SPOCK1: variants seen among roughly 807,000 people sequenced by gnomAD.
SPOCK1 encodes testican-1.
Under a neutral mutation model 55.3 loss-of-function variants are expected in SPOCK1, and 23 were observed. That is an observed-to-expected ratio of 0.42 (90% CI 0.30 to 0.59). The LOEUF (loss-of-function observed/expected upper bound fraction) is 0.59, where lower values mean the gene tolerates loss of function less well. SPOCK1 is among the 20% of genes least tolerant of loss of function. SPOCK1 has a pLI of 0.22. For missense variants in SPOCK1, 499 were observed against 552.5 expected (o/e 0.90, Z 0.97); for synonymous variants, 226 against 221.0 (o/e 1.02, Z -0.20).
chr5:137,149,957 G>A (rs1041799271), intron 3 of SPOCK1, among the ~76,000 whole-genome samples: 21 of 152,134 alleles, frequency 1.4e-4, no homozygotes, highest in African/African-American at 4.8e-4. Flanking sequence ...GGATCTGATG[G>A]GATAACACAT....
chr5:137,494,626 T>C (rs1278368419), intron 2 of SPOCK1, among the ~76,000 whole-genome samples: 1 of 152,256 alleles, frequency 6.6e-6, no homozygotes, highest in Non-Finnish European at 1.5e-5. Flanking sequence ...CCAGACTGTA[T>C]TATGTTTCTA....
Position 137,138,378 on chromosome 5 carries a change from T to C in SPOCK1, c.347+2202A>G, listed in dbSNP as rs184930279. On this transcript the variant is annotated intron_variant, in intron 4 of 10. Coordinates refer to ENST00000394945, the MANE Select transcript of SPOCK1 (RefSeq NM_004598.4). ...TATGCCTGAATATCAATGAGGCTGC[T>C]GAATAGGTCTCAAACCGATTTGAGT... is the stretch of plus-strand genomic sequence containing the variant. 4.2e-3 allele frequency among the ~76,000 whole-genome samples: 638 copies of C among 152,320 alleles called. 2 individuals are homozygous for C. The highest frequency in any genetic ancestry group is 0.01 in the African/African-American group (421 of 41,572).
At chr5:137,155,211 G>C (rs753548586) in intron 3 of SPOCK1, among the ~76,000 whole-genome samples, 1 of 152,178 alleles carries the variant, frequency 6.6e-6, no homozygotes, top group Non-Finnish European at 1.5e-5. Flanking sequence ...TTCCTCTCCA[G>C]ATTTCTCCAC....
At chr5:137,420,455 A>G (rs1752461922) in intron 2 of SPOCK1, among the ~76,000 whole-genome samples, 1 of 152,160 alleles carries the variant, frequency 6.6e-6, no homozygotes, top group Non-Finnish European at 1.5e-5. Flanking sequence ...TAAGCTATTA[A>G]TTATTGCCTC....
intron 2 of SPOCK1, among the ~76,000 whole-genome samples, chr5:137,292,427 A>T (rs1039960961): frequency 0.019 from 17 of 894 alleles, no homozygotes; most frequent in African/African-American, 0.064. Context: ...TGGTGTAGTT[A>T]AAAAAAAAAA....
intron 2 of SPOCK1, among the ~76,000 whole-genome samples, chr5:137,269,750 A>G (rs892512941): frequency 6.6e-6 from 1 of 152,104 alleles, no homozygotes; most frequent in East Asian, 1.9e-4. Flanking sequence ...TGGCTCCTCT[A>G]GAGCTTCACC....
chr5:137,495,835 G>T (rs531339859), intron 2 of SPOCK1, among the ~76,000 whole-genome samples: 1 of 152,272 alleles, frequency 6.6e-6, no homozygotes, highest in Admixed American at 6.5e-5. Context: ...CTTTAAAGAG[G>T]TTAATGACAT....
At chr5:137,131,924 A>G in intron 4 of SPOCK1, among the ~76,000 whole-genome samples, 1 of 131,364 alleles carries the variant, frequency 7.6e-6, no homozygotes, top group African/African-American at 3.0e-5. Flanking sequence ...GTGAGCCGAG[A>G]TCGCGCCACT....
chr5:137,065,991 G>C (rs1195967069), intron 6 of SPOCK1, among the ~76,000 whole-genome samples: 1 of 152,020 alleles, frequency 6.6e-6, no homozygotes, highest in Non-Finnish European at 1.5e-5. Context: ...AAGAAACAAG[G>C]GTTGTTTTTT....
intron 3 of SPOCK1, among the ~76,000 whole-genome samples, chr5:137,144,937 G>A (rs1438977454): frequency 6.6e-6 from 1 of 152,140 alleles, no homozygotes; most frequent in African/African-American, 2.4e-5. Context: ...GTGAGAGGAT[G>A]CAGACATCCC....
rs1178608490 is a variant in SPOCK1, at chr5:137,428,705, A to C, written c.186+69668T>G. 2.6e-5 allele frequency among the ~76,000 whole-genome samples: 4 copies of C among 152,208 alleles called. No individual in the cohort carries two copies. In the East Asian group the frequency reaches 7.7e-4, roughly 29 times the overall value. ...CTGTGGGTCCCCTCTGGCTCTCCTC[A>C]CTGGCCTCTAGCCCACCCACCCGCA... On this transcript the variant is annotated intron_variant, in intron 2 of 10. Transcript: ENST00000394945.
At chr5:137,157,486 C>T (rs903175221) in intron 3 of SPOCK1, among the ~76,000 whole-genome samples, 4 of 152,086 alleles carry the variant, frequency 2.6e-5, no homozygotes, top group East Asian at 1.9e-4. Context: ...TTAAGTGTGC[C>T]GTCTAAATGC....
intron 2 of SPOCK1, among the ~76,000 whole-genome samples, chr5:137,463,533 G>C (rs1051444571): frequency 1.3e-5 from 2 of 150,664 alleles, no homozygotes; most frequent in Non-Finnish European, 3.0e-5. Context: ...TAGTGGGGGG[G>C]TGTTGGGAGG....
At chr5:137,481,770 C>A (rs758861807) in intron 2 of SPOCK1, among the ~76,000 whole-genome samples, 2 of 152,220 alleles carry the variant, frequency 1.3e-5, no homozygotes, top group Non-Finnish European at 2.9e-5. Context: ...TCCTGCCAAG[C>A]TGCGGTAAGT....
intron 3 of SPOCK1, among the ~76,000 whole-genome samples, chr5:137,195,485 G>A (rs1372077870): frequency 6.6e-6 from 1 of 152,244 alleles, no homozygotes; most frequent in Non-Finnish European, 1.5e-5. Flanking sequence ...TGAGTTCTGA[G>A]TTCCAGCGCT....
At chr5:137,267,153 A>C in intron 2 of SPOCK1, 98 bp from the exon 3 acceptor site, 1 of 964,246 alleles carries the variant, frequency 1.0e-6, no homozygotes, top group Non-Finnish European at 1.6e-6. Context: ...CCAAAACACA[A>C]AGGAAAACAC....
chr5:137,421,621 C>T (rs57125793), intron 2 of SPOCK1, among the ~76,000 whole-genome samples: 56,030 of 151,882 alleles, frequency 0.37, 11,112 homozygotes, highest in East Asian at 0.64. Context: ...GATTGCAACC[C>T]CTGCCTTTTT....
intron 3 of SPOCK1, among the ~76,000 whole-genome samples, chr5:137,238,994 G>C (rs1756234587): frequency 6.6e-6 from 1 of 152,212 alleles, no homozygotes; most frequent in East Asian, 1.9e-4. Context: ...GGTATTCACA[G>C]TAAGATCCTT....
At chr5:137,065,853 G>T (rs1752498385) in intron 6 of SPOCK1, among the ~76,000 whole-genome samples, 1 of 152,138 alleles carries the variant, frequency 6.6e-6, no homozygotes, top group South Asian at 2.1e-4. Context: ...TGGCAATGGG[G>T]TTACTTGTAT....
Sources: allele counts gnomAD v4.1 joint callset (sites outside exome capture counted in the v4.1 genomes callset), GRCh38; gene constraint gnomAD v4.1.1; transcripts MANE v1.5; gene names NCBI Gene and HGNC (gene_info 2026-07-23, HGNC 2026-07-21).